The following DLG2 variants were observed in gnomAD, a reference collection of about 807,000 sequenced individuals.
DLG2 encodes the protein disks large homolog 2.
In DLG2, 45 loss-of-function variants were observed where a neutral mutation model predicts 132.5. The ratio of observed to expected loss-of-function variants is 0.34; its 90% CI spans 0.27 to 0.44. The LOEUF (loss-of-function observed/expected upper bound fraction) is 0.44. DLG2 is among the 20% of genes least tolerant of loss of function. DLG2 has a pLI of 1.00. For missense variants in DLG2, 1,045 were observed against 1,196.9 expected (o/e 0.87, Z 1.87); for synonymous variants, 424 against 419.6 (o/e 1.01, Z -0.13).
intron 3 of DLG2, among the ~76,000 whole-genome samples, chr11:85,483,137 A>C (rs2093338730): frequency 6.6e-6 from 1 of 152,208 alleles, no homozygotes; most frequent in African/African-American, 2.4e-5. Flanking sequence ...CAAAATGACA[A>C]TATGTCAAAA....
In DLG2 at chr11:84,174,017, T is replaced by TTTTTTTTC. The variant is rs747206671; in HGVS notation, c.574-10507_574-10506insGAAAAAAA. Among the ~76,000 whole-genome samples, 162 of 114,582 alleles carry TTTTTTTTC rather than the reference T, an allele frequency of 1.4e-3. 9 individuals carry two copies. Among genetic ancestry groups the TTTTTTTTC allele is most frequent in the African/African-American group, 5.9e-3 (155 of 26,378 alleles). The allele number at this position is 114,582 out of a possible 152,430, so 75.2% of individuals were successfully genotyped here. ...AGTTTTGACTTCACCCCCCGGCCTT[T>TTTTTTTTC]TTTTTTTTTTTTTTTTTTTCTGAGT... On this transcript the variant is annotated intron_variant, in intron 8 of 27. Transcript: ENST00000376104.
chr11:85,518,476 G>T (rs1181646440), intron 3 of DLG2, among the ~76,000 whole-genome samples: 1 of 152,138 alleles, frequency 6.6e-6, no homozygotes, highest in Non-Finnish European at 1.5e-5. Flanking sequence ...AATGATTTAG[G>T]ATATCTGGCA....
intron 18 of DLG2, chr11:83,647,238 C>T (rs1453122450): frequency 2.3e-5 from 3 of 129,212 alleles, no homozygotes; most frequent in Non-Finnish European, 4.8e-5. Flanking sequence ...TTACCAGGTT[C>T]TGGGAGTGAA....
intron 9 of DLG2, among the ~76,000 whole-genome samples, chr11:84,107,206 AG>A (rs2093025610): frequency 1.3e-5 from 2 of 151,948 alleles, no homozygotes; most frequent in Middle Eastern, 3.2e-3. Context: ...ATCTTGAAGG[AG>A]GAGTGAGAAT....
At chr11:83,665,542 T>C (rs1208663967) in intron 18 of DLG2, among the ~76,000 whole-genome samples, 1 of 152,230 alleles carries the variant, frequency 6.6e-6, no homozygotes, top group Non-Finnish European at 1.5e-5. Flanking sequence ...CCTGAGGGAT[T>C]CAACAGATAT....
chr11:84,015,156 T>C (rs147187558), intron 11 of DLG2, among the ~76,000 whole-genome samples: 1 of 152,292 alleles, frequency 6.6e-6, no homozygotes, highest in African/African-American at 2.4e-5. Context: ...AAATATTAAT[T>C]AGATTGATTT....
At chr11:83,642,982 A>C (rs2067016088) in intron 18 of DLG2, among the ~76,000 whole-genome samples, 1 of 152,148 alleles carries the variant, frequency 6.6e-6, no homozygotes, top group Admixed American at 6.6e-5. Flanking sequence ...GAATAAAAAA[A>C]AACCGTGAAG....
intron 10 of DLG2, among the ~76,000 whole-genome samples, chr11:84,082,788 G>C (rs539529450): frequency 3.3e-5 from 5 of 152,044 alleles, no homozygotes; most frequent in East Asian, 1.9e-4. Flanking sequence ...ACCTCCATAG[G>C]CTTCTGGAAA....
chr11:84,196,910 G>A (rs896937176), intron 8 of DLG2, among the ~76,000 whole-genome samples: 4 of 151,574 alleles, frequency 2.6e-5, no homozygotes, highest in Non-Finnish European at 5.9e-5. Context: ...GGTGGCCCAC[G>A]CCTGTAATCC....
chr11:85,360,028 A>C (rs141136233), intron 3 of DLG2, among the ~76,000 whole-genome samples: 13 of 152,286 alleles, frequency 8.5e-5, no homozygotes, highest in African/African-American at 2.9e-4. Flanking sequence ...CTGCATACTC[A>C]GGGCGTGTGC....
rs185338274 is a variant in DLG2, at chr11:85,106,949, A to G, written c.357+4712T>C. Among the ~76,000 whole-genome samples the G allele has an allele frequency of 2.0e-5, 3 of 152,188 alleles. No homozygotes were observed. The East Asian group carries it at 5.8e-4, about 29-fold the overall frequency. On this transcript the variant is annotated intron_variant, in intron 6 of 27. Coordinates refer to ENST00000376104, the MANE Select transcript of DLG2 (RefSeq NM_001142699.3). ...ACCATTATTAAATAATGTGTTGCCA[A>G]GTATAATTATGATTTATTTATACAC...
chr11:84,827,504 A>C (rs2078472490), intron 6 of DLG2, among the ~76,000 whole-genome samples: 1 of 151,680 alleles, frequency 6.6e-6, no homozygotes. Context: ...TTGATTGATC[A>C]AAGTAGAATT....
intron 19 of DLG2, among the ~76,000 whole-genome samples, chr11:83,571,696 G>A (rs2096800103): frequency 6.6e-6 from 1 of 151,924 alleles, no homozygotes; most frequent in African/African-American, 2.4e-5. Flanking sequence ...TTACTGATGA[G>A]CGGACTGAAA....
chr11:84,489,116 A>G (rs895689423), intron 7 of DLG2, among the ~76,000 whole-genome samples: 3 of 152,042 alleles, frequency 2.0e-5, no homozygotes, highest in African/African-American at 2.4e-5. Flanking sequence ...TTTTCTTTCT[A>G]TAATACAGAT....
intron 18 of DLG2, among the ~76,000 whole-genome samples, chr11:83,700,188 T>C (rs931836232): frequency 2.6e-5 from 4 of 152,166 alleles, no homozygotes; most frequent in Non-Finnish European, 5.9e-5. Context: ...AATAATGTAT[T>C]GAAAGAGCTT....
chr11:84,440,821 C>CA (rs1490999714), intron 7 of DLG2, among the ~76,000 whole-genome samples: 22 of 152,064 alleles, frequency 1.4e-4, no homozygotes, highest in Admixed American at 1.3e-4. Context: ...AAGGTAAATA[C>CA]AATGTTTAAA....
chr11:85,409,926 A>G (rs1366524818), intron 3 of DLG2, among the ~76,000 whole-genome samples: 1 of 151,866 alleles, frequency 6.6e-6, no homozygotes, highest in East Asian at 1.9e-4. Context: ...ATTAAAAGAG[A>G]AGAACTGTGA....
chr11:83,945,934 GTCCTTCCTTCCT>G (rs760832594), intron 14 of DLG2, among the ~76,000 whole-genome samples: 1 of 136,026 alleles, frequency 7.4e-6, no homozygotes, highest in Admixed American at 7.6e-5. Flanking sequence ...CCTTCCTTCC[GTCCTTCCTTCCT>G]TCCTTCCTTT....
At chr11:84,797,756 T>C (rs1219924225) in intron 6 of DLG2, among the ~76,000 whole-genome samples, 1 of 152,196 alleles carries the variant, frequency 6.6e-6, no homozygotes, top group African/African-American at 2.4e-5. Flanking sequence ...CCTGGAGGTT[T>C]TGATGTTTAT....
Sources: allele counts gnomAD v4.1 joint callset (sites outside exome capture counted in the v4.1 genomes callset), GRCh38; gene constraint gnomAD v4.1.1; transcripts MANE v1.5; gene names NCBI Gene and HGNC (gene_info 2026-07-23, HGNC 2026-07-21).